GTF2IRD2B: variants seen among roughly 807,000 people sequenced by gnomAD.
GTF2IRD2B encodes the protein GTF2I repeat domain containing 2B, also known as general transcription factor II-I repeat domain-containing protein 2B.
In GTF2IRD2B, 10 loss-of-function variants were observed where a neutral mutation model predicts 55.6. The observed-to-expected ratio is 0.18, with a 90% CI of 0.11 to 0.31. The LOEUF is 0.31. GTF2IRD2B is among the 10% of genes least tolerant of loss of function. The probability of loss-of-function intolerance (pLI) is 1.00; values close to 1 mark genes in which losing one functional copy is unlikely to be tolerated. For synonymous variants in GTF2IRD2B, 107 were observed against 320.5 expected (o/e 0.33, Z 7.12); for missense variants, 206 against 802.7 (o/e 0.26, Z 8.98).
intron 4 of GTF2IRD2B, among the ~76,000 whole-genome samples, chr7:75,122,245 C>T (rs1242529698): frequency 7.1e-6 from 1 of 140,274 alleles, no homozygotes; most frequent in Non-Finnish European, 1.5e-5. Flanking sequence ...CCTCCCTCAC[C>T]CCTCAGTTGT....
At position 75,122,897 on chromosome 7, in the gene GTF2IRD2B, G is replaced by T. The variant is rs587704620; in HGVS notation, c.359-239G>T. On this transcript the variant is annotated intron_variant, in intron 4 of 15. Coordinates refer to ENST00000472837, the MANE Select transcript of GTF2IRD2B (RefSeq NM_001003795.3). ...ACCTCATCTCTACTAAAATACAAAAGAAATTAGCTGGGCATGGTGGTGTGT... is the reference window on the plus strand; with the variant it reads ...ACCTCATCTCTACTAAAATACAAAATAAATTAGCTGGGCATGGTGGTGTGT... Among the ~76,000 whole-genome samples, 3 of 149,130 alleles carry T rather than the reference G, an allele frequency of 2.0e-5. No homozygotes were observed. The East Asian group carries it at 6.0e-4, about 30-fold the overall frequency.
intron 1 of GTF2IRD2B, among the ~76,000 whole-genome samples, chr7:75,096,769 T>C (rs1254493936): frequency 2.0e-5 from 3 of 150,652 alleles, no homozygotes; most frequent in African/African-American, 7.4e-5. Flanking sequence ...TACATTTTTG[T>C]TGAATGGTGA....
chr7:75,127,468 CAAAAAAAAAAAAA>C (rs71246071), intron 8 of GTF2IRD2B, among the ~76,000 whole-genome samples: 2 of 33,220 alleles, frequency 6.0e-5, no homozygotes, highest in African/African-American at 2.1e-4. Flanking sequence ...GACGTTGTCT[CAAAAAAAAAAAAA>C]AAAAAAAAAA....
At chr7:75,130,091 C>CTTTCTTTCTTTCTTTCTT in intron 8 of GTF2IRD2B, among the ~76,000 whole-genome samples, 1 of 77,608 alleles carries the variant, frequency 1.3e-5, no homozygotes, top group African/African-American at 4.7e-5. Flanking sequence ...AATTTATTTT[C>CTTTCTTTCTTTCTTTCTT]TCTTTCTTTC....
intron 1 of GTF2IRD2B, among the ~76,000 whole-genome samples, chr7:75,103,417 C>T (rs587694035): frequency 1.4e-4 from 21 of 151,288 alleles, no homozygotes; most frequent in African/African-American, 4.6e-4. Flanking sequence ...CCTAAGCTGG[C>T]GTCACCTGCC....
intron 3 of GTF2IRD2B, among the ~76,000 whole-genome samples, chr7:75,113,897 A>G (rs587727438): frequency 2.7e-5 from 4 of 148,628 alleles, no homozygotes; most frequent in African/African-American, 7.5e-5. Flanking sequence ...TGTGTGTATA[A>G]GTAGATTAGA....
rs801006 is a variant in GTF2IRD2B, at chr7:75,127,269, C to T, written c.670+884C>T. ...CGAGGCAGGCAAATTGCTTGAACCCCGGAGTTCAAGACCAGCCTGGGCAAC... is the reference window on the plus strand; with the variant it reads ...CGAGGCAGGCAAATTGCTTGAACCCTGGAGTTCAAGACCAGCCTGGGCAAC... On this transcript the variant is annotated intron_variant, in intron 8 of 15. Transcript: ENST00000472837. Among the ~76,000 whole-genome samples, 917 of 150,858 alleles carry T rather than the reference C, an allele frequency of 6.1e-3. 3 individuals are homozygous for T. The highest frequency in any genetic ancestry group is 0.02 in the African/African-American group (834 of 41,172).
intron 3 of GTF2IRD2B, among the ~76,000 whole-genome samples, chr7:75,115,096 C>CTTTTT (rs60983909): frequency 6.9e-5 from 3 of 43,412 alleles, no homozygotes; most frequent in Non-Finnish European, 1.2e-4. Flanking sequence ...TCGTGCCCAG[C>CTTTTT]TTTTTTTTTT....
chr7:75,146,786 T>C (rs1190933082), intron 15 of GTF2IRD2B: 2 of 135,720 alleles, frequency 1.5e-5, no homozygotes, highest in Non-Finnish European at 3.1e-5. Flanking sequence ...AGGTGTCTTT[T>C]GTTTGGCTCA....
At chr7:75,116,640 CTTTTTTT>C (rs782017384) in intron 3 of GTF2IRD2B, among the ~76,000 whole-genome samples, 2 of 118,352 alleles carry the variant, frequency 1.7e-5, no homozygotes, top group East Asian at 2.4e-4. Context: ...TTTGCCATTT[CTTTTTTT>C]TTTTTTTTTC....
In GTF2IRD2B at chr7:75,149,427, T is replaced by G. The variant is rs1250634024; in HGVS notation, c.*130T>G. The stretch of plus-strand genomic sequence containing the variant: ...ATGGAGTCTTGCTCTGTCGCCCAGG[T>G]TGGAGTGCAGTGGCGTGATCTCGGC... On this transcript the variant is annotated 3_prime_UTR_variant, in exon 16 of 16. Transcript: ENST00000472837. The G allele has an allele frequency of 1.4e-6, 1 of 702,332 alleles. No individual in the cohort carries two copies. The highest frequency in any genetic ancestry group is 2.1e-5 in the Admixed American group (1 of 47,652). The allele number at this position is 702,332 out of a possible 1,614,324, so 43.5% of individuals were successfully genotyped here. A position where few individuals can be genotyped will look rare whatever the true frequency, so the allele number is the denominator to read the frequency against.
At position 75,099,781 on chromosome 7, in the gene GTF2IRD2B, T is replaced by TAAAA. The variant is rs1554449272; in HGVS notation, c.-6+7017_-6+7020dup. On this transcript the variant is annotated intron_variant, in intron 1 of 15. Coordinates refer to ENST00000472837, the MANE Select transcript of GTF2IRD2B (RefSeq NM_001003795.3). ...ATAAATAAATAAATAAATAAATAAATAAAACATAATCCTCATCTAGTCTAG... is the reference window on the plus strand; with the variant it reads ...ATAAATAAATAAATAAATAAATAAATAAAAAAAACATAATCCTCATCTAGTCTAG... Among the ~76,000 whole-genome samples the TAAAA allele has an allele frequency of 4.4e-4, 61 of 139,542 alleles. 1 individual carries two copies. The highest frequency in any genetic ancestry group is 1.4e-3 in the East Asian group (7 of 5,084). The allele number at this position is 139,542 out of a possible 152,430, so 91.5% of individuals were successfully genotyped here.
intron 8 of GTF2IRD2B, among the ~76,000 whole-genome samples, chr7:75,132,839 C>T (rs147404671): frequency 6.7e-6 from 1 of 149,134 alleles, no homozygotes; most frequent in Admixed American, 6.6e-5. Context: ...AGGCATGAGT[C>T]ACCGTGCCCG....
intron 3 of GTF2IRD2B, among the ~76,000 whole-genome samples, chr7:75,115,909 CTTTTCTTTCT>C (rs1808132785): frequency 2.3e-5 from 3 of 128,482 alleles, no homozygotes; most frequent in African/African-American, 3.0e-5. Flanking sequence ...TCTTTAATTT[CTTTTCTTTCT>C]TTTTTTTTTT....
intron 3 of GTF2IRD2B, 127 bp downstream of exon 3, chr7:75,112,662 A>G: frequency 6.3e-7 from 1 of 1,587,668 alleles, no homozygotes; most frequent in Non-Finnish European, 8.6e-7. Flanking sequence ...ATCTTCTTGG[A>G]TTCAGCTTAC....
At chr7:75,096,769 T>G (rs1254493936) in intron 1 of GTF2IRD2B, among the ~76,000 whole-genome samples, 4 of 150,652 alleles carry the variant, frequency 2.7e-5, no homozygotes, top group Non-Finnish European at 4.4e-5. Context: ...TACATTTTTG[T>G]TGAATGGTGA....
At position 75,147,940 on chromosome 7, in the gene GTF2IRD2B, T is replaced by C. The variant is rs1554532911; in HGVS notation, c.1493T>C (p.Leu498Ser). 6.2e-7 allele frequency: 1 copy of C among 1,609,846 alleles called. No homozygotes were observed. The highest frequency in any genetic ancestry group is 8.5e-7 in the Non-Finnish European group (1 of 1,177,460). Residue 498 changes from leucine to serine, a missense_variant, in exon 16 of 16, where the codon TTA becomes TCA. Transcript: ENST00000472837. ...ELKKGLRKYL[L>S]GSSDTECPEQ... ...AAAAAAGGGCTCAGGAAGTATCTCT[T>C]AGGCTCGTCAGACACCGAGTGTCCC...
At chr7:75,116,645 T>C (rs1554451381) in intron 3 of GTF2IRD2B, among the ~76,000 whole-genome samples, 1 of 145,914 alleles carries the variant, frequency 6.9e-6, no homozygotes, top group Non-Finnish European at 1.5e-5. Flanking sequence ...CATTTCTTTT[T>C]TTTTTTTTTT....
chr7:75,123,906 T>C (rs1464830095), intron 6 of GTF2IRD2B: 9 of 334,894 alleles, frequency 2.7e-5, no homozygotes, highest in Admixed American at 2.0e-4. Flanking sequence ...TGAATTTGGG[T>C]GAGGGGAGGG....
Sources: allele counts gnomAD v4.1 joint callset (sites outside exome capture counted in the v4.1 genomes callset), GRCh38; gene constraint gnomAD v4.1.1; transcripts MANE v1.5; gene names NCBI Gene and HGNC (gene_info 2026-07-23, HGNC 2026-07-21).